Variants in DENND1A observed in about 807,000 individuals in gnomAD.
DENND1A encodes the protein DENN domain-containing protein 1A.
Under a neutral mutation model 113.7 loss-of-function variants are expected in DENND1A, and 51 were observed. The ratio of observed to expected loss-of-function variants is 0.45; its 90% CI spans 0.36 to 0.57. DENND1A has a LOEUF of 0.57. Among genes scored for constraint, DENND1A ranks in the 20% least tolerant of loss-of-function variants. DENND1A has a pLI of 0.00. For missense variants in DENND1A, 1,258 were observed against 1,395.9 expected (o/e 0.90, Z 1.57); for synonymous variants, 565 against 570.8 (o/e 0.99, Z 0.14).
intron 6 of DENND1A, 33 bp from the exon 7 acceptor site, chr9:123,671,404 C>A (rs1203692279): frequency 6.2e-7 from 1 of 1,609,664 alleles, no homozygotes; most frequent in Admixed American, 1.7e-5. Flanking sequence ...GTAACAAAAG[C>A]AAGGCTGAGC....
At chr9:123,889,015 GTTC>G (rs1849526936) in intron 1 of DENND1A, among the ~76,000 whole-genome samples, 1 of 126,118 alleles carries the variant, frequency 7.9e-6, no homozygotes, top group Non-Finnish European at 1.6e-5. Context: ...TGTATTTTAA[GTTC>G]TTTACACTGT....
chr9:123,421,775 A>G (rs934275625), intron 19 of DENND1A, among the ~76,000 whole-genome samples: 1 of 151,596 alleles, frequency 6.6e-6, no homozygotes, highest in African/African-American at 2.4e-5. Context: ...GGAGTCCAGG[A>G]CTCCTTGGCC....
chr9:123,925,099 T>C (rs1352606244), intron 1 of DENND1A, among the ~76,000 whole-genome samples: 1 of 152,226 alleles, frequency 6.6e-6, no homozygotes, highest in African/African-American at 2.4e-5. Context: ...GTTTTTTTAA[T>C]GTCAGGTCCA....
At chr9:123,819,104 A>G (rs577360896) in intron 2 of DENND1A, among the ~76,000 whole-genome samples, 1 of 152,358 alleles carries the variant, frequency 6.6e-6, no homozygotes, top group Non-Finnish European at 1.5e-5. Flanking sequence ...TCAGGTGATT[A>G]TCATGCACAG....
intron 1 of DENND1A, among the ~76,000 whole-genome samples, chr9:123,926,674 G>A (rs1033334296): frequency 1.4e-5 from 2 of 147,642 alleles, no homozygotes; most frequent in Non-Finnish European, 3.0e-5. Context: ...TTCCTCAAGG[G>A]TTTTTTTTTT....
intron 2 of DENND1A, among the ~76,000 whole-genome samples, chr9:123,803,157 A>T (rs558617250): frequency 6.7e-4 from 102 of 152,056 alleles, no homozygotes; most frequent in Non-Finnish European, 1.2e-3. Flanking sequence ...AAATCCAACT[A>T]CCCGCCTGCA....
intron 1 of DENND1A, among the ~76,000 whole-genome samples, chr9:123,890,579 T>C (rs1009602132): frequency 6.6e-5 from 10 of 152,208 alleles, no homozygotes; most frequent in Admixed American, 2.0e-4. Context: ...TAATATGTAC[T>C]AAACACTTAA....
chr9:123,726,687 G>A (rs2067732737), intron 5 of DENND1A, among the ~76,000 whole-genome samples: 1 of 152,104 alleles, frequency 6.6e-6, no homozygotes, highest in East Asian at 1.9e-4. Context: ...TCTTAATAAT[G>A]GTGAAAAAAA....
At chr9:123,863,823 T>C (rs1312833461) in intron 2 of DENND1A, among the ~76,000 whole-genome samples, 1 of 152,242 alleles carries the variant, frequency 6.6e-6, no homozygotes, top group Non-Finnish European at 1.5e-5. Flanking sequence ...AAACATGCTA[T>C]GTCCTCTATA....
chr9:123,468,131 TG>T (rs555921422), intron 13 of DENND1A, among the ~76,000 whole-genome samples: 3 of 152,120 alleles, frequency 2.0e-5, no homozygotes, highest in Admixed American at 6.6e-5. Flanking sequence ...AGTGGCAGAT[TG>T]GGGGGTTCCA....
chr9:123,485,159 G>A (rs1055090644), intron 13 of DENND1A, among the ~76,000 whole-genome samples: 6 of 152,222 alleles, frequency 3.9e-5, no homozygotes, highest in African/African-American at 1.2e-4. Flanking sequence ...TGCATGAAAT[G>A]AGCATGTGTG....
intron 9 of DENND1A, among the ~76,000 whole-genome samples, chr9:123,641,578 A>C (rs1279651905): frequency 1.3e-5 from 2 of 152,316 alleles, no homozygotes; most frequent in East Asian, 3.9e-4. Flanking sequence ...TAGACTAGCC[A>C]AGGCCCCAGT....
chr9:123,575,484 G>C (rs1294572906), intron 12 of DENND1A, among the ~76,000 whole-genome samples: 8 of 152,182 alleles, frequency 5.3e-5, no homozygotes, highest in Non-Finnish European at 1.2e-4. Flanking sequence ...TGCATGATTA[G>C]AGTGGATTTT....
At chr9:123,479,163 T>A (rs2050139862) in intron 13 of DENND1A, among the ~76,000 whole-genome samples, 1 of 152,176 alleles carries the variant, frequency 6.6e-6, no homozygotes, top group Admixed American at 6.5e-5. Context: ...CCAGGCAACT[T>A]GCCCAAGTCC....
chr9:123,806,622 C>G (rs1277541254), intron 2 of DENND1A, among the ~76,000 whole-genome samples: 1 of 152,166 alleles, frequency 6.6e-6, no homozygotes, highest in Non-Finnish European at 1.5e-5. Flanking sequence ...CACATCAGCA[C>G]TCAGGAAGTT....
chr9:123,785,661 G>T (rs1219074433), intron 3 of DENND1A, among the ~76,000 whole-genome samples: 1 of 152,158 alleles, frequency 6.6e-6, no homozygotes, highest in Non-Finnish European at 1.5e-5. Flanking sequence ...CAGTCCTTCA[G>T]AACAGCTACA....
chr9:123,669,904 A>C (rs2063681908), intron 7 of DENND1A, among the ~76,000 whole-genome samples: 1 of 152,122 alleles, frequency 6.6e-6, no homozygotes, highest in African/African-American at 2.4e-5. Flanking sequence ...CTTCCACACG[A>C]ATGGCACAGT....
At chr9:123,557,228 G>A (rs72757117) in intron 13 of DENND1A, among the ~76,000 whole-genome samples, 3,336 of 152,302 alleles carry the variant, frequency 0.022, 44 homozygotes, top group Non-Finnish European at 0.036. Flanking sequence ...GTAAAGTGGA[G>A]CTGATCACCG....
intron 3 of DENND1A, among the ~76,000 whole-genome samples, chr9:123,777,207 G>A (rs375376293): frequency 6.6e-6 from 1 of 152,134 alleles, no homozygotes; most frequent in African/African-American, 2.4e-5. Context: ...CCTCTTTCAG[G>A]GGGGAAAAAG....
Sources: allele counts gnomAD v4.1 joint callset (sites outside exome capture counted in the v4.1 genomes callset), GRCh38; gene constraint gnomAD v4.1.1; transcripts MANE v1.5; gene names NCBI Gene and HGNC (gene_info 2026-07-23, HGNC 2026-07-21).